Variants in PTPRR observed in about 807,000 individuals in gnomAD.
PTPRR encodes protein tyrosine phosphatase receptor type R.
A neutral mutation model predicts 77.2 loss-of-function variants in PTPRR; 38 were observed. The observed-to-expected ratio is 0.49, with a 90% CI of 0.38 to 0.65. PTPRR has a LOEUF of 0.65. PTPRR is among the 30% of genes least tolerant of loss of function. The pLI is 0.00. For missense variants in PTPRR, 744 were observed against 799.2 expected, an observed-to-expected ratio of 0.93 and a Z score of 0.83; for synonymous variants, 299 against 283.1, an observed-to-expected ratio of 1.06 and a Z score of -0.57.
chr12:70,760,186 T>C (rs17226542), intron 4 of PTPRR, among the ~76,000 whole-genome samples: 3,210 of 152,310 alleles, frequency 0.021, 48 homozygotes, highest in Non-Finnish European at 0.027. Flanking sequence ...TCAATCCATA[T>C]TTCAAGTTTA....
In PTPRR at chr12:70,745,913, G is replaced by T; in HGVS notation, c.912C>A (p.Asp304Glu). The change falls in exon 6 of 14, where the codon GAC becomes GAA. Residue 304 changes from aspartate to glutamate, a missense_variant. Coordinates refer to ENST00000283228, the MANE Select transcript of PTPRR (RefSeq NM_002849.4). ...QAPKVLNVVV[D>E]PQGRGAPEIK... ...TCTCAGGAGCACCTCGGCCTTGAGGGTCCACGACAACATTCAGTACCTTTG... is the reference window on the plus strand; with the variant it reads ...TCTCAGGAGCACCTCGGCCTTGAGGTTCCACGACAACATTCAGTACCTTTG... 1 of 1,614,096 alleles carries T rather than the reference G, an allele frequency of 6.2e-7. No homozygotes were observed. Among genetic ancestry groups the T allele is most frequent in the Non-Finnish European group, 8.5e-7 (1 of 1,180,010 alleles).
chr12:70,786,532 C>T (rs1045874612), intron 2 of PTPRR, among the ~76,000 whole-genome samples: 4 of 152,138 alleles, frequency 2.6e-5, no homozygotes, highest in African/African-American at 9.7e-5. Flanking sequence ...TAGGAATAGA[C>T]TCTTTTGGGA....
intron 2 of PTPRR, among the ~76,000 whole-genome samples, chr12:70,777,169 A>C (rs929730310): frequency 5.9e-5 from 9 of 152,092 alleles, no homozygotes; most frequent in African/African-American, 1.9e-4. Flanking sequence ...TTTATAATAT[A>C]TACCATCATC....
At chr12:70,719,510 C>T (rs1416052127) in intron 6 of PTPRR, among the ~76,000 whole-genome samples, 1 of 149,292 alleles carries the variant, frequency 6.7e-6, no homozygotes, top group South Asian at 2.2e-4. Flanking sequence ...TAACAATTTC[C>T]TTTGTTAGGA....
chr12:70,818,654 C>T (rs1891950539), intron 2 of PTPRR, among the ~76,000 whole-genome samples: 1 of 152,022 alleles, frequency 6.6e-6, no homozygotes, highest in African/African-American at 2.4e-5. Flanking sequence ...GTCATGTTGC[C>T]TTAGAGGCCT....
intron 13 of PTPRR, among the ~76,000 whole-genome samples, chr12:70,643,617 A>G (rs985704988): frequency 6.6e-6 from 1 of 152,226 alleles, no homozygotes; most frequent in Non-Finnish European, 1.5e-5. Flanking sequence ...CTCTATAGTT[A>G]TTCATCCTCA....
At chr12:70,767,232 G>A (rs1347538447) in intron 2 of PTPRR, among the ~76,000 whole-genome samples, 1 of 152,042 alleles carries the variant, frequency 6.6e-6, no homozygotes, top group Non-Finnish European at 1.5e-5. Flanking sequence ...ATTGGATAAA[G>A]AGTCAAGACC....
chr12:70,838,511 C>T (rs538048812), intron 2 of PTPRR, among the ~76,000 whole-genome samples: 1 of 152,092 alleles, frequency 6.6e-6, no homozygotes, highest in Non-Finnish European at 1.5e-5. Flanking sequence ...TTGATTGAGA[C>T]TATTTGGGAG....
intron 13 of PTPRR, among the ~76,000 whole-genome samples, chr12:70,653,600 G>A (rs1169307959): frequency 6.6e-6 from 1 of 152,170 alleles, no homozygotes; most frequent in Non-Finnish European, 1.5e-5. Context: ...ACAGGCACAT[G>A]TTAGGTTCCT....
chr12:70,691,283 G>A (rs1888046823), intron 8 of PTPRR, among the ~76,000 whole-genome samples: 1 of 152,084 alleles, frequency 6.6e-6, no homozygotes, highest in African/African-American at 2.4e-5. Context: ...CCTCTCTGAA[G>A]CATTCAAAAA....
chr12:70,900,576 A>T (rs1893515305), intron 1 of PTPRR, among the ~76,000 whole-genome samples: 1 of 151,550 alleles, frequency 6.6e-6, no homozygotes, highest in African/African-American at 2.4e-5. Context: ...ACAATTAACA[A>T]AGTCAAGTGA....
intron 2 of PTPRR, among the ~76,000 whole-genome samples, chr12:70,804,488 G>A (rs956046283): frequency 2.5e-4 from 38 of 152,046 alleles, no homozygotes; most frequent in African/African-American, 8.9e-4. Context: ...GAGCCTGGGA[G>A]GTTGATGCTG....
At chr12:70,733,155 T>C (rs1396802667) in intron 6 of PTPRR, among the ~76,000 whole-genome samples, 1 of 152,074 alleles carries the variant, frequency 6.6e-6, no homozygotes, top group African/African-American at 2.4e-5. Context: ...AACAAATGTA[T>C]ACACTATAAG....
At chr12:70,767,006 T>C (rs1592744424) in intron 2 of PTPRR, among the ~76,000 whole-genome samples, 1 of 151,976 alleles carries the variant, frequency 6.6e-6, no homozygotes, top group East Asian at 1.9e-4. Context: ...AAAGAACTTC[T>C]GAAGGAAGCG....
chr12:70,821,437 G>C (rs1442763268), intron 2 of PTPRR, among the ~76,000 whole-genome samples: 1 of 151,462 alleles, frequency 6.6e-6, no homozygotes, highest in Non-Finnish European at 1.5e-5. Flanking sequence ...ACTTTGGCCA[G>C]GCTGGTCTCG....
chr12:70,681,486 C>G (rs975750053), intron 10 of PTPRR, among the ~76,000 whole-genome samples: 1 of 152,176 alleles, frequency 6.6e-6, no homozygotes, highest in Non-Finnish European at 1.5e-5. Context: ...TGCCTAGTCC[C>G]CACTGGGGAT....
At chr12:70,771,882 A>T (rs1316442017) in intron 2 of PTPRR, among the ~76,000 whole-genome samples, 1 of 152,226 alleles carries the variant, frequency 6.6e-6, no homozygotes, top group Non-Finnish European at 1.5e-5. Flanking sequence ...TCTGGTAAAA[A>T]TGCCAGTGGT....
intron 10 of PTPRR, chr12:70,672,233 G>A: frequency 6.3e-7 from 1 of 1,588,874 alleles, no homozygotes; most frequent in Non-Finnish European, 8.6e-7. Flanking sequence ...CACATGGCCA[G>A]ATAAGGTGGT....
chr12:70,765,962 T>C (rs1379620819), intron 2 of PTPRR, among the ~76,000 whole-genome samples: 1 of 152,160 alleles, frequency 6.6e-6, no homozygotes, highest in East Asian at 1.9e-4. Context: ...TCCTGTCTGT[T>C]AGAAGGAAAA....
Sources: allele counts gnomAD v4.1 joint callset (sites outside exome capture counted in the v4.1 genomes callset), GRCh38; gene constraint gnomAD v4.1.1; transcripts MANE v1.5; gene names NCBI Gene and HGNC (gene_info 2026-07-23, HGNC 2026-07-21).